Variants in PLEKHA2 observed in about 807,000 individuals in gnomAD.
PLEKHA2 encodes the protein pleckstrin homology domain-containing family A member 2.
A neutral mutation model predicts 53.2 loss-of-function variants in PLEKHA2; 28 were observed. That is an observed-to-expected ratio of 0.53 (90% CI 0.39 to 0.72). The LOEUF (loss-of-function observed/expected upper bound fraction) is 0.72, where lower values mean the gene tolerates loss of function less well. Among genes scored for constraint, PLEKHA2 ranks in the 30% least tolerant of loss-of-function variants. PLEKHA2 has a pLI of 0.00. For synonymous variants in PLEKHA2, 193 were observed against 196.4 expected (o/e 0.98, Z 0.14); for missense variants, 426 against 537.9 (o/e 0.79, Z 2.06).
rs572062243 is a variant in PLEKHA2, at chr8:38,911,327, C to A, written c.-23-6580C>A. 2.2e-3 allele frequency among the ~76,000 whole-genome samples: 331 copies of A among 152,032 alleles called. 4 individuals are homozygous for A. Among genetic ancestry groups the A allele is most frequent in the Non-Finnish European group, 3.6e-3 (245 of 67,986 alleles). On this transcript the variant is annotated intron_variant, in intron 1 of 11. Coordinates refer to ENST00000617275, the MANE Select transcript of PLEKHA2 (RefSeq NM_021623.2). ...TCTCGGCTCACTGCAACCTCCGCCTCCCAGGTTCAAGCAATTCTCCTGTCT... is the reference window on the plus strand; with the variant it reads ...TCTCGGCTCACTGCAACCTCCGCCTACCAGGTTCAAGCAATTCTCCTGTCT...
At chr8:38,914,496 C>T (rs1027261311) in intron 1 of PLEKHA2, among the ~76,000 whole-genome samples, 8 of 152,204 alleles carry the variant, frequency 5.3e-5, no homozygotes, top group African/African-American at 9.6e-5. Context: ...CCCAGCGTCC[C>T]GTTGTGGGGG....
chr8:38,932,273 G>T (rs1834407654), intron 2 of PLEKHA2, among the ~76,000 whole-genome samples: 1 of 152,234 alleles, frequency 6.6e-6, no homozygotes, highest in Non-Finnish European at 1.5e-5. Context: ...TGGGATTACA[G>T]GTGTGCGCCA....
intron 2 of PLEKHA2, among the ~76,000 whole-genome samples, chr8:38,927,441 G>A (rs1382259438): frequency 1.3e-5 from 2 of 152,218 alleles, no homozygotes; most frequent in African/African-American, 4.8e-5. Flanking sequence ...AGGAGTTAGA[G>A]GCTGCAGTGA....
intron 2 of PLEKHA2, 80 bp downstream of exon 2, chr8:38,918,150 A>C: frequency 1.3e-6 from 2 of 1,512,476 alleles, no homozygotes; most frequent in Non-Finnish European, 8.9e-7. Context: ...GTTAGCCTCC[A>C]GGCCTAGGCT....
In PLEKHA2 at chr8:38,946,086, C is replaced by A. The variant is rs1389680560; in HGVS notation, c.248-38C>A. 5 of 1,509,120 alleles carry A rather than the reference C, an allele frequency of 3.3e-6. No individual in the cohort carries two copies. The Admixed American group carries it at 7.6e-5, about 23-fold the overall frequency. 93.5% of individuals were successfully genotyped at this position (1,509,120 alleles called of 1,614,324 possible). ...CTTGTTGTATTGCTTGTATTCTGAC[C>A]TAGGAATGTCTTCCCTTCTTTTCTG... On this transcript the variant is annotated intron_variant, in intron 4 of 11. Coordinates refer to ENST00000617275, the MANE Select transcript of PLEKHA2 (RefSeq NM_021623.2).
Position 38,913,192 on chromosome 8 carries a change from C to T in PLEKHA2, c.-23-4715C>T, listed in dbSNP as rs759206534. Among the ~76,000 whole-genome samples the T allele has an allele frequency of 2.6e-5, 4 of 152,016 alleles. No homozygotes were observed. In the South Asian group the frequency reaches 8.3e-4, roughly 31 times the overall value. On this transcript the variant is annotated intron_variant, in intron 1 of 11. Coordinates refer to ENST00000617275, the MANE Select transcript of PLEKHA2 (RefSeq NM_021623.2). ...CAGCCTGGCCAACATGGCGAAAGCC[C>T]GTCTCTACTAAAAATACAAAAATTA...
chr8:38,969,533 C>G lies in PLEKHA2; in HGVS notation c.1028C>G (p.Ala343Gly), dbSNP rs1244379720. The change falls in exon 12 of 12, where the codon GCC becomes GGC. Residue 343 changes from alanine (A) to glycine (G), a missense_variant. By Grantham distance (60) the Ala-to-Gly change is moderately conservative. Transcript: ENST00000617275. ...RGRPPLEEKK[A>G]LCKAPSVASS... is the part of the protein sequence containing the mutation. ...CGGCCACCTTTGGAGGAAAAGAAAG[C>G]CCTCTGCAAAGCCCCCTCTGTGGCC... 6.2e-7 allele frequency: 1 copy of G among 1,613,148 alleles called. No individual in the cohort carries two copies. Among genetic ancestry groups the G allele is most frequent in the Non-Finnish European group, 8.5e-7 (1 of 1,179,496 alleles).
Position 38,952,660 on chromosome 8 carries a change from TTTGCAC to T in PLEKHA2, c.662_667del (p.Ala221_Leu222del). 1 of 1,611,120 alleles carries T rather than the reference TTTGCAC, an allele frequency of 6.2e-7. No individual in the cohort carries two copies. The highest frequency in any genetic ancestry group is 8.5e-7 in the Non-Finnish European group (1 of 1,179,840). The stretch of plus-strand genomic sequence containing the variant: ...GCGGAAGAGCTGGAAACGTCGCTTC[TTTGCAC>T]TTGATGACTTTACCATCTGCTACTT... On this transcript the variant is annotated inframe_deletion, in exon 8 of 12. Transcript: ENST00000617275.
At chr8:38,910,375 G>A (rs1308621875) in intron 1 of PLEKHA2, among the ~76,000 whole-genome samples, 2 of 152,090 alleles carry the variant, frequency 1.3e-5, no homozygotes, top group African/African-American at 4.8e-5. Flanking sequence ...AGGGAGAGAA[G>A]GACAGGGAGG....
chr8:38,969,793 G>C lies in PLEKHA2; in HGVS notation c.*10G>C. On this transcript the variant is annotated 3_prime_UTR_variant, in exon 12 of 12. Transcript: ENST00000617275. ...GACCTCTGATGTGTGATGGAGCACA[G>C]TGCCATGGGAGGGAGGGAGGGAGGG... is the stretch of plus-strand genomic sequence containing the variant. 6.5e-7 allele frequency: 1 copy of C among 1,534,608 alleles called. No homozygotes were observed. The highest frequency in any genetic ancestry group is 8.8e-7 in the Non-Finnish European group (1 of 1,136,984).
intron 2 of PLEKHA2, among the ~76,000 whole-genome samples, chr8:38,934,518 G>A (rs142432092): frequency 0.015 from 2,261 of 152,060 alleles, 19 homozygotes; most frequent in Non-Finnish European, 0.023. Context: ...AGGTCAGCAG[G>A]AGCTATGGAC....
intron 10 of PLEKHA2, among the ~76,000 whole-genome samples, chr8:38,958,956 T>C (rs914880181): frequency 1.3e-5 from 2 of 152,064 alleles, no homozygotes; most frequent in Admixed American, 1.3e-4. Context: ...AGTGAAACGA[T>C]TCCGTATGAC....
chr8:38,914,749 G>A (rs994537313), intron 1 of PLEKHA2, among the ~76,000 whole-genome samples: 2 of 152,196 alleles, frequency 1.3e-5, no homozygotes, highest in Admixed American at 6.5e-5. Flanking sequence ...GCCAATCTTC[G>A]TTGGGGAGCA....
intron 5 of PLEKHA2, among the ~76,000 whole-genome samples, chr8:38,949,225 CTTT>C (rs201063067): frequency 6.9e-6 from 1 of 145,426 alleles, no homozygotes. Flanking sequence ...TTCTGGACCT[CTTT>C]TTTTTTTTTT....
intron 2 of PLEKHA2, among the ~76,000 whole-genome samples, chr8:38,921,093 G>A (rs886368024): frequency 6.6e-6 from 1 of 152,214 alleles, no homozygotes; most frequent in Non-Finnish European, 1.5e-5. Context: ...GAGCCACTGC[G>A]ACTGGCCTGA....
rs1275216920 is a variant in PLEKHA2 at position 38,909,475 on chromosome 8, G to C, written c.-24+8030G>C. Among the ~76,000 whole-genome samples, 8 of 152,100 alleles carry C rather than the reference G, an allele frequency of 5.3e-5. 1 individual carries two copies. In the South Asian group the frequency reaches 1.4e-3, roughly 28 times the overall value. On this transcript the variant is annotated intron_variant, in intron 1 of 11. Transcript: ENST00000617275. ...TCCCTTTCAGCCCCTCTATGCCTCT[G>C]TGTCCCATCTGGGCTATGTGCTATT... is the stretch of plus-strand genomic sequence containing the variant.
intron 2 of PLEKHA2, among the ~76,000 whole-genome samples, chr8:38,927,362 C>G (rs988491117): frequency 2.6e-5 from 4 of 151,934 alleles, no homozygotes; most frequent in Non-Finnish European, 4.4e-5. Context: ...AGAAATTAGG[C>G]AATCGTGGTG....
intron 2 of PLEKHA2, among the ~76,000 whole-genome samples, chr8:38,930,656 T>TGGCAC (rs2129418070): frequency 6.6e-6 from 1 of 152,202 alleles, no homozygotes; most frequent in East Asian, 1.9e-4. Flanking sequence ...CGGCATGGCA[T>TGGCAC]GGCATGGCAC....
At chr8:38,965,626 T>A (rs1186779111) in intron 10 of PLEKHA2, among the ~76,000 whole-genome samples, 3 of 152,208 alleles carry the variant, frequency 2.0e-5, no homozygotes, top group Admixed American at 1.3e-4. Context: ...ACCTTTTTTT[T>A]AACCTCCAAA....
Sources: allele counts gnomAD v4.1 joint callset (sites outside exome capture counted in the v4.1 genomes callset), GRCh38; gene constraint gnomAD v4.1.1; transcripts MANE v1.5; gene names NCBI Gene and HGNC (gene_info 2026-07-23, HGNC 2026-07-21).